NFIB: variants seen among roughly 807,000 people sequenced by gnomAD.
NFIB encodes the protein nuclear factor I B.
NFIB carries 11 observed loss-of-function variants against 61.5 expected under a neutral mutation model. That is an observed-to-expected ratio of 0.18 (90% confidence interval 0.11 to 0.30). The LOEUF is 0.30. Among genes scored for constraint, NFIB ranks in the 10% least tolerant of loss-of-function variants. The probability of loss-of-function intolerance (pLI) is 1.00; values close to 1 mark genes in which losing one functional copy is unlikely to be tolerated. For synonymous variants in NFIB, 260 were observed against 216.5 expected (o/e 1.20, Z -1.76); for missense variants, 471 against 608.9 (o/e 0.77, Z 2.38).
chr9:14,318,143 C>CT (rs1359600861), upstream of NFIB, among the ~76,000 whole-genome samples: 1 of 152,114 alleles, frequency 6.6e-6, no homozygotes, highest in Non-Finnish European at 1.5e-5. Context: ...ACAGGAAACT[C>CT]TGTTATTTCA....
intron 10 of NFIB, among the ~76,000 whole-genome samples, chr9:14,103,034 T>A (rs1256362306): frequency 1.1e-4 from 16 of 152,218 alleles, no homozygotes; most frequent in Admixed American, 1.0e-3. Flanking sequence ...TTTTAACCTT[T>A]TACTAATTTT....
chr9:14,434,327 C>T, the NFIB span, among the ~76,000 whole-genome samples: 142 of 152,232 alleles, frequency 9.3e-4, 1 homozygote, highest in African/African-American at 3.2e-3. Context: ...TATGTTTAAT[C>T]AATAATGGAT....
chr9:14,374,599 C>T (rs1421193783), intron 1 of NFIB, among the ~76,000 whole-genome samples: 1 of 152,176 alleles, frequency 6.6e-6, no homozygotes, highest in Non-Finnish European at 1.5e-5. Flanking sequence ...GAAGAAATGT[C>T]TTTTAAAAAT....
the NFIB span, among the ~76,000 whole-genome samples, chr9:14,463,892 C>T: frequency 6.8e-4 from 103 of 152,220 alleles, 1 homozygote; most frequent in Non-Finnish European, 1.2e-3. Flanking sequence ...GATCTCCTGA[C>T]CTCGTGGTCC....
chr9:14,422,798 T>C, the NFIB span, among the ~76,000 whole-genome samples: 1 of 152,280 alleles, frequency 6.6e-6, no homozygotes, highest in South Asian at 2.1e-4. Context: ...TTCCCAGCCC[T>C]GCCAGCCATA....
In NFIB at chr9:14,084,027, A is replaced by T. The variant is rs1275764902; in HGVS notation, c.*4282T>A. The T allele has an allele frequency of 4.7e-6, 1 of 214,160 alleles. No individual in the cohort carries two copies. The highest frequency in any genetic ancestry group is 2.3e-5 in the African/African-American group (1 of 44,250). The allele number at this position is 214,160 out of a possible 1,614,324, so 13.3% of individuals were successfully genotyped here. On this transcript the variant is annotated 3_prime_UTR_variant, in exon 11 of 11. Transcript: ENST00000380953. ...AACCAACTTTTCCAATACTAAATAC[A>T]ACAAAATAACCTTCATAAAATATAA... is the stretch of plus-strand genomic sequence containing the variant.
At chr9:14,186,755 T>C (rs1043732859) in intron 2 of NFIB, among the ~76,000 whole-genome samples, 1 of 149,610 alleles carries the variant, frequency 6.7e-6, no homozygotes, top group Non-Finnish European at 1.5e-5. Context: ...TCCTATTACA[T>C]AATTTGGCTT....
chr9:14,296,907 C>T (rs1325613040), intron 2 of NFIB, among the ~76,000 whole-genome samples: 2 of 152,232 alleles, frequency 1.3e-5, no homozygotes. Context: ...ATTTACTCTT[C>T]AGTCTAAGAA....
At chr9:14,449,700 C>T in the NFIB span, among the ~76,000 whole-genome samples, 4 of 152,088 alleles carry the variant, frequency 2.6e-5, no homozygotes, top group African/African-American at 9.6e-5. Context: ...GAGGCTGAGG[C>T]GGGTGGATCA....
At chr9:14,129,592 A>G (rs1030468413) in intron 6 of NFIB, among the ~76,000 whole-genome samples, 9 of 152,118 alleles carry the variant, frequency 5.9e-5, no homozygotes, top group South Asian at 2.1e-4. Context: ...GTGAAAAATG[A>G]TATTGTTTCT....
Position 14,285,213 on chromosome 9 carries a change from C to T in NFIB, c.562+21776G>A, listed in dbSNP as rs537219918. ...TCTCAGCTCACTGCAACCTCCACCTCCCAGGTTCAAGCGATTCTCCTGCCT... is the reference window on the plus strand; with the variant it reads ...TCTCAGCTCACTGCAACCTCCACCTTCCAGGTTCAAGCGATTCTCCTGCCT... On this transcript the variant is annotated intron_variant, in intron 2 of 10. Transcript: ENST00000380953. Among the ~76,000 whole-genome samples the T allele has an allele frequency of 2.1e-4, 32 of 152,324 alleles. No homozygotes were observed. The South Asian group carries it at 6.6e-3, about 32-fold the overall frequency.
At position 14,313,360 on chromosome 9, in the gene NFIB, C is replaced by A; in HGVS notation, c.30+122G>T. On this transcript the variant is annotated intron_variant, in intron 1 of 10. Coordinates refer to ENST00000380953, the MANE Select transcript of NFIB (RefSeq NM_001190737.2). This position sits in a 1 kb window ranked among gnomAD's most constrained non-coding sequence, Gnocchi z 4.5. The stretch of plus-strand genomic sequence containing the variant: ...CCGCGACGCCCGCTGCAACTCCGGG[C>A]CACTTCTCCAAGGGACGGGGATGTG... 1 of 1,407,070 alleles carries A rather than the reference C, an allele frequency of 7.1e-7. No homozygotes were observed. Among genetic ancestry groups the A allele is most frequent in the Non-Finnish European group, 9.7e-7 (1 of 1,031,924 alleles). 87.2% of individuals were successfully genotyped at this position (1,407,070 alleles called of 1,614,324 possible).
At chr9:14,255,674 T>C (rs1039878456) in intron 2 of NFIB, among the ~76,000 whole-genome samples, 8 of 152,210 alleles carry the variant, frequency 5.3e-5, no homozygotes, top group African/African-American at 1.9e-4. Flanking sequence ...AAAGTTATTA[T>C]TCACTTTTAT....
At chr9:14,183,935 T>C (rs1208254529) in intron 2 of NFIB, among the ~76,000 whole-genome samples, 1 of 152,190 alleles carries the variant, frequency 6.6e-6, no homozygotes, top group African/African-American at 2.4e-5. Flanking sequence ...ATTTCTAAAT[T>C]ACTATATTTT....
In NFIB at chr9:14,312,720, TAC is replaced by T. The variant is rs779516132; in HGVS notation, c.30+760_30+761del. Reference sequence around the variant, plus strand: ...TTCTCAAAGTCGAAAAAAATGACCTTACTTCTACCAGCATTACTTAAAATGCC... The same window carrying T: ...TTCTCAAAGTCGAAAAAAATGACCTTTTCTACCAGCATTACTTAAAATGCC... On this transcript the variant is annotated intron_variant, in intron 1 of 10. Transcript: ENST00000380953. Among the ~76,000 whole-genome samples the T allele has an allele frequency of 2.1e-3, 321 of 152,296 alleles. 3 individuals carry two copies. Among genetic ancestry groups the T allele is most frequent in the South Asian group, 9.5e-3 (46 of 4,824 alleles).
intron 2 of NFIB, among the ~76,000 whole-genome samples, chr9:14,258,216 A>T (rs190060021): frequency 1.1e-3 from 167 of 152,384 alleles, no homozygotes; most frequent in Middle Eastern, 3.4e-3. Flanking sequence ...CTAACAGAGC[A>T]ATTTATTCCA....
At chr9:14,243,422 G>C (rs1464474775) in intron 2 of NFIB, among the ~76,000 whole-genome samples, 1 of 152,030 alleles carries the variant, frequency 6.6e-6, no homozygotes, top group African/African-American at 2.4e-5. Context: ...AAATCAGGTG[G>C]GCTGTCTTGA....
chr9:14,474,985 G>A, the NFIB span, among the ~76,000 whole-genome samples: 3 of 152,306 alleles, frequency 2.0e-5, no homozygotes, highest in East Asian at 1.9e-4. Context: ...CCACATCAGT[G>A]AGGGTGATCT....
intron 10 of NFIB, among the ~76,000 whole-genome samples, chr9:14,112,221 T>A (rs1194985977): frequency 1.3e-5 from 2 of 152,212 alleles, no homozygotes; most frequent in Non-Finnish European, 2.9e-5. Context: ...TAAAATATAT[T>A]TAAATTCGGA....
Sources: allele counts gnomAD v4.1 joint callset (sites outside exome capture counted in the v4.1 genomes callset), GRCh38; gene constraint gnomAD v4.1.1; non-coding constraint Gnocchi (gnomAD v3.1); transcripts MANE v1.5; gene names NCBI Gene and HGNC (gene_info 2026-07-23, HGNC 2026-07-21).